FAM185A: variants seen among roughly 807,000 people sequenced by gnomAD.
FAM185A encodes the protein family with sequence similarity 185 member A.
Under a neutral mutation model 45.7 loss-of-function variants are expected in FAM185A, and 21 were observed. The observed-to-expected ratio is 0.46, with a 90% CI of 0.33 to 0.66. FAM185A has a LOEUF of 0.66. Among genes scored for constraint, FAM185A ranks in the 30% least tolerant of loss-of-function variants. The probability of loss-of-function intolerance (pLI) is 0.03; values close to 1 mark genes in which losing one functional copy is unlikely to be tolerated. For synonymous variants in FAM185A, 117 were observed against 194.0 expected, an observed-to-expected ratio of 0.60 and a Z score of 3.30; for missense variants, 305 against 485.4, an observed-to-expected ratio of 0.63 and a Z score of 3.49.
intron 7 of FAM185A, among the ~76,000 whole-genome samples, chr7:102,806,635 A>G (rs1172536227): frequency 6.6e-6 from 1 of 152,226 alleles, no homozygotes; most frequent in East Asian, 1.9e-4. Context: ...TTCTGTCTCA[A>G]TTTGACTGGT....
In FAM185A at chr7:102,798,142, G is replaced by T. The variant is rs1333049136; in HGVS notation, c.1067-10148G>T. 2.0e-5 allele frequency among the ~76,000 whole-genome samples: 3 copies of T among 152,236 alleles called. No homozygotes were observed. In the South Asian group the frequency reaches 6.2e-4, roughly 32 times the overall value. On this transcript the variant is annotated intron_variant, in intron 7 of 7. Transcript: ENST00000413034. The stretch of plus-strand genomic sequence containing the variant: ...CCTCCCACTTAGTGGAAGCCACAGT[G>T]TATAGGGATAGAGTAGTCATTTTCC...
In FAM185A at chr7:102,772,436, G is replaced by A. The variant is rs1158831771; in HGVS notation, c.821G>A (p.Gly274Asp). Residue 274 changes from glycine (G) to aspartate (D), a missense_variant, in exon 5 of 8, where the codon GGT (glycine) becomes GAT (aspartate). Gly to Asp is a moderately conservative substitution (Grantham distance 94). Transcript: ENST00000413034. Reference sequence around the variant, plus strand: ...AATATAACATTACAAAGCAAGATGGGTAACATCACAGTAGGTATGTGCTAA... The same window carrying A: ...AATATAACATTACAAAGCAAGATGGATAACATCACAGTAGGTATGTGCTAA... ...HGNITLQSKMGNITVDSSSGC... is the reference protein window; with the variant it reads ...HGNITLQSKMDNITVDSSSGC... The A allele has an allele frequency of 2.6e-6, 4 of 1,544,802 alleles. No individual in the cohort carries two copies. Among genetic ancestry groups the A allele is most frequent in the Non-Finnish European group, 3.5e-6 (4 of 1,144,208 alleles).
chr7:102,824,415 T>C, the FAM185A span, among the ~76,000 whole-genome samples: 1 of 152,072 alleles, frequency 6.6e-6, no homozygotes, highest in Non-Finnish European at 1.5e-5. Flanking sequence ...TGTTCTGGAG[T>C]ATTTCTTGCT....
chr7:102,798,938 G>T (rs1354214779), intron 7 of FAM185A, among the ~76,000 whole-genome samples: 1 of 152,042 alleles, frequency 6.6e-6, no homozygotes, highest in Non-Finnish European at 1.5e-5. Context: ...GGCAGAGATG[G>T]GGTTTCACCA....
the FAM185A span, among the ~76,000 whole-genome samples, chr7:102,837,735 G>T: frequency 6.6e-6 from 1 of 152,104 alleles, no homozygotes; most frequent in South Asian, 2.1e-4. Context: ...TAGAGACAGG[G>T]TCTCACTATG....
At chr7:102,787,158 TGA>T (rs1329363384) in intron 6 of FAM185A, among the ~76,000 whole-genome samples, 175 bp from the exon 7 acceptor site, 19 of 152,296 alleles carry the variant, frequency 1.2e-4, no homozygotes, top group African/African-American at 4.3e-4. Context: ...GTGAATGCCT[TGA>T]GAGTAAGGGA....
chr7:102,756,325 C>T (rs971976372), intron 2 of FAM185A, among the ~76,000 whole-genome samples: 1 of 151,554 alleles, frequency 6.6e-6, no homozygotes, highest in Non-Finnish European at 1.5e-5. Context: ...AAACTAAAGA[C>T]ATATATAATG....
intron 6 of FAM185A, among the ~76,000 whole-genome samples, chr7:102,783,691 G>A (rs1324707315): frequency 6.6e-6 from 1 of 152,100 alleles, no homozygotes; most frequent in East Asian, 1.9e-4. Context: ...GCAGTGTGTA[G>A]AGGGAAATTT....
chr7:102,845,085 A>G, the FAM185A span, among the ~76,000 whole-genome samples: 1 of 152,230 alleles, frequency 6.6e-6, no homozygotes, highest in East Asian at 1.9e-4. Context: ...TAGTTCAGGG[A>G]TTTTTATGGG....
rs1225832740 is a variant in FAM185A, at chr7:102,771,082, A to C, written c.794-1327A>C. Reference sequence around the variant, plus strand: ...AGCAGCATGGATGCAGTTGGAAGCCACTATCCTAAGCGAATTAACACAGGA... The same window carrying C: ...AGCAGCATGGATGCAGTTGGAAGCCCCTATCCTAAGCGAATTAACACAGGA... On this transcript the variant is annotated intron_variant, in intron 4 of 7. Coordinates refer to ENST00000413034, the MANE Select transcript of FAM185A (RefSeq NM_001145268.2). Among the ~76,000 whole-genome samples the C allele has an allele frequency of 2.0e-5, 3 of 152,178 alleles. No individual in the cohort carries two copies. In the East Asian group the frequency reaches 5.8e-4, roughly 29 times the overall value.
chr7:102,841,209 T>C, the FAM185A span, among the ~76,000 whole-genome samples: 3 of 151,980 alleles, frequency 2.0e-5, no homozygotes, highest in African/African-American at 7.2e-5. Flanking sequence ...TGATGTTTAT[T>C]TTCCCTTTTT....
intron 6 of FAM185A, among the ~76,000 whole-genome samples, chr7:102,780,127 G>A (rs1350424928): frequency 6.6e-6 from 1 of 152,038 alleles, no homozygotes. Flanking sequence ...CAGTTAGGAA[G>A]ACCAAGAAAT....
At chr7:102,805,906 A>AATGTTAGTTC (rs1342879456) in intron 7 of FAM185A, among the ~76,000 whole-genome samples, 1 of 152,108 alleles carries the variant, frequency 6.6e-6, no homozygotes, top group African/African-American at 2.4e-5. Context: ...CGCAGAAAAG[A>AATGTTAGTTC]ATGTTAGTTC....
chr7:102,784,604 G>A (rs1281119942), intron 6 of FAM185A, among the ~76,000 whole-genome samples: 1 of 152,128 alleles, frequency 6.6e-6, no homozygotes, highest in East Asian at 1.9e-4. Context: ...CTCAATAGAT[G>A]CAGAAAAGGC....
the FAM185A span, among the ~76,000 whole-genome samples, chr7:102,826,740 T>TAC: frequency 6.6e-5 from 6 of 90,458 alleles, no homozygotes; most frequent in Non-Finnish European, 1.2e-4. Flanking sequence ...TATATATATA[T>TAC]ATATATATAT....
At chr7:102,761,933 G>A (rs1296741010) in intron 4 of FAM185A, among the ~76,000 whole-genome samples, 1 of 152,170 alleles carries the variant, frequency 6.6e-6, no homozygotes, top group Non-Finnish European at 1.5e-5. Context: ...AAAGTGCTAG[G>A]ATTACAGGTG....
rs1793179728 is a variant in FAM185A, at chr7:102,749,258, C to G, written c.51C>G (p.Leu17=). The change falls in exon 1 of 8, where the codon CTC becomes CTG. Residue 17 remains leucine, a synonymous_variant. Transcript: ENST00000413034. ...GWELGCFRLC[L]RQVRLWAGAG... is the part of the protein sequence containing the mutation. ...AGCTTGGCTGCTTCCGTCTCTGTCT[C>G]CGTCAGGTCCGACTGTGGGCTGGCG... 6.4e-7 allele frequency: 1 copy of G among 1,550,586 alleles called. No homozygotes were observed. The highest frequency in any genetic ancestry group is 2.0e-5 in the Admixed American group (1 of 50,984).
In FAM185A at chr7:102,779,705, T is replaced by G. The variant is rs550294837; in HGVS notation, c.931+2357T>G. The G allele has an allele frequency of 7.9e-5, 12 of 152,266 alleles. No homozygotes were observed. In the East Asian group the frequency reaches 1.4e-3, roughly 17 times the overall value. The allele number at this position is 152,266 out of a possible 1,614,324, so 9.4% of individuals were successfully genotyped here. A position where few individuals can be genotyped will look rare whatever the true frequency, so the allele number is the denominator to read the frequency against. ...AAAGCAATTAAGTTTTTTGTTTTTG[T>G]TTTTGAGACAGGGTATCACTCTGTC... On this transcript the variant is annotated intron_variant, in intron 6 of 7. Coordinates refer to ENST00000413034, the MANE Select transcript of FAM185A (RefSeq NM_001145268.2).
At chr7:102,830,450 T>C in the FAM185A span, among the ~76,000 whole-genome samples, 13 of 152,214 alleles carry the variant, frequency 8.5e-5, no homozygotes, top group Admixed American at 6.5e-4. Context: ...AGAGAGTCAG[T>C]TGGTCAGCGC....
Sources: gnomAD v4.1 joint callset for allele counts (sites outside exome capture counted in the v4.1 genomes callset) on GRCh38, gnomAD v4.1.1 for gene constraint, MANE v1.5 for transcripts, NCBI Gene and HGNC (gene_info 2026-07-23, HGNC 2026-07-21) for gene names.